CRPPA: variants seen among roughly 807,000 people sequenced by gnomAD.
CRPPA encodes D-ribitol-5-phosphate cytidylyltransferase.
CRPPA carries 43 observed loss-of-function variants against 52.0 expected under a neutral mutation model. That is an observed-to-expected ratio of 0.83 (90% CI 0.65 to 1.07). The LOEUF (loss-of-function observed/expected upper bound fraction) is 1.07. CRPPA is among the 50% of genes least tolerant of loss of function. The probability of loss-of-function intolerance (pLI) is 0.00; values close to 1 mark genes in which losing one functional copy is unlikely to be tolerated. For synonymous variants in CRPPA, 250 were observed against 203.5 expected, an observed-to-expected ratio of 1.23 and a Z score of -1.94; for missense variants, 629 against 551.7, an observed-to-expected ratio of 1.14 and a Z score of -1.40.
intron 2 of CRPPA, among the ~76,000 whole-genome samples, chr7:16,380,364 T>C (rs1420991438): frequency 6.6e-6 from 1 of 152,064 alleles, no homozygotes; most frequent in African/African-American, 2.4e-5. Context: ...TGGATAAGCT[T>C]TTTGATGTGC....
chr7:16,394,827 A>T (rs1241091928), intron 2 of CRPPA, among the ~76,000 whole-genome samples: 1 of 152,202 alleles, frequency 6.6e-6, no homozygotes, highest in South Asian at 2.1e-4. Flanking sequence ...CTAAAGGCCC[A>T]TGAAAAGAGA....
At chr7:16,165,655 T>G (rs1005704291) in intron 9 of CRPPA, among the ~76,000 whole-genome samples, 1 of 152,304 alleles carries the variant, frequency 6.6e-6, no homozygotes, top group East Asian at 1.9e-4. Flanking sequence ...AAAAACAGCC[T>G]TTTCCTTATA....
chr7:16,089,694 T>A lies in CRPPA; in HGVS notation c.*2001A>T. On this transcript the variant is annotated 3_prime_UTR_variant, in exon 10 of 10. Coordinates refer to ENST00000407010, the MANE Select transcript of CRPPA (RefSeq NM_001101426.4). ...TGCTATGAAGGACCAAATGCTATTT[T>A]TTCCAGGCACAACTTAATATTTTAT... 1 of 198,392 alleles carries A rather than the reference T, an allele frequency of 5.0e-6. No individual in the cohort carries two copies. The highest frequency in any genetic ancestry group is 1.1e-4 in the East Asian group (1 of 8,862). 12.3% of individuals were successfully genotyped at this position (198,392 alleles called of 1,614,324 possible).
intron 9 of CRPPA, among the ~76,000 whole-genome samples, chr7:16,139,789 G>C (rs543070830): frequency 6.6e-6 from 1 of 152,210 alleles, no homozygotes; most frequent in African/African-American, 2.4e-5. Flanking sequence ...TCTGCCACAT[G>C]ATTTAAGAAT....
At chr7:16,205,852 T>C (rs1418442243) in intron 9 of CRPPA, among the ~76,000 whole-genome samples, 1 of 151,840 alleles carries the variant, frequency 6.6e-6, no homozygotes, top group Non-Finnish European at 1.5e-5. Context: ...CATCAAAACA[T>C]CTTAAATACG....
At chr7:16,364,975 T>G (rs1786553604) in intron 3 of CRPPA, among the ~76,000 whole-genome samples, 1 of 152,160 alleles carries the variant, frequency 6.6e-6, no homozygotes, top group Non-Finnish European at 1.5e-5. Context: ...TATAGAAAAG[T>G]TATAAAGGTC....
intron 8 of CRPPA, among the ~76,000 whole-genome samples, chr7:16,240,442 A>T (rs1216432642): frequency 6.6e-6 from 1 of 151,982 alleles, no homozygotes; most frequent in African/African-American, 2.4e-5. Context: ...GTATATAATA[A>T]AGCTATAGTT....
rs563210679 is a variant in CRPPA at position 16,356,771 on chromosome 7, A to G, written c.684+19321T>C. On this transcript the variant is annotated intron_variant, in intron 3 of 9. Transcript: ENST00000407010. Reference sequence around the variant, plus strand: ...ATTTTAAACTACTCTGCCATTTCCAACATCTGGGTCCTTTTCTATTGACCT... The same window carrying G: ...ATTTTAAACTACTCTGCCATTTCCAGCATCTGGGTCCTTTTCTATTGACCT... Among the ~76,000 whole-genome samples, 12 of 152,236 alleles carry G rather than the reference A, an allele frequency of 7.9e-5. No homozygotes were observed. In the East Asian group the frequency reaches 1.7e-3, roughly 22 times the overall value.
At chr7:16,221,394 TCATGTCCAAAA>T (rs1782497583) in intron 8 of CRPPA, among the ~76,000 whole-genome samples, 1 of 152,156 alleles carries the variant, frequency 6.6e-6, no homozygotes, top group South Asian at 2.1e-4. Context: ...GGCAAGGACT[TCATGTCCAAAA>T]CACCAACAGC....
intron 3 of CRPPA, among the ~76,000 whole-genome samples, chr7:16,310,538 T>C (rs1247229270): frequency 6.6e-6 from 1 of 152,052 alleles, no homozygotes; most frequent in Non-Finnish European, 1.5e-5. Flanking sequence ...TATTAATAGA[T>C]CTAGGAAGAT....
At chr7:16,389,928 A>AAAAAAAAAAAAAAAAAAAAATATAT in intron 2 of CRPPA, among the ~76,000 whole-genome samples, 3 of 29,760 alleles carry the variant, frequency 1.0e-4, no homozygotes, top group African/African-American at 5.2e-4. Context: ...AAAAAAAAAA[A>AAAAAAAAAAAAAAAAAAAAATATAT]ATATATATAT....
intron 2 of CRPPA, among the ~76,000 whole-genome samples, chr7:16,401,375 G>T (rs1787814128): frequency 6.6e-6 from 1 of 152,158 alleles, no homozygotes; most frequent in Non-Finnish European, 1.5e-5. Context: ...GGAAAGAATG[G>T]TCAGAGGAAA....
At chr7:16,397,280 C>A (rs1005250642) in intron 2 of CRPPA, among the ~76,000 whole-genome samples, 4 of 152,150 alleles carry the variant, frequency 2.6e-5, no homozygotes, top group East Asian at 1.9e-4. Context: ...ATGAGGGTGA[C>A]ACAATTGTGA....
chr7:16,308,430 C>T, intron 4 of CRPPA, 93 bp downstream of exon 4: 1 of 713,172 alleles, frequency 1.4e-6, no homozygotes, highest in Non-Finnish European at 2.5e-6. Context: ...ACTCCCTTAA[C>T]TCCTACTCAA....
intron 3 of CRPPA, among the ~76,000 whole-genome samples, chr7:16,331,365 C>A (rs1041916765): frequency 1.3e-5 from 2 of 152,136 alleles, no homozygotes; most frequent in Non-Finnish European, 2.9e-5. Flanking sequence ...CTATGGAATG[C>A]TTTCCCGCCC....
intron 9 of CRPPA, among the ~76,000 whole-genome samples, chr7:16,106,474 A>T (rs1049552488): frequency 1.3e-5 from 2 of 152,180 alleles, no homozygotes; most frequent in South Asian, 2.1e-4. Context: ...CTAATAGCAG[A>T]TCCCAGCCAC....
intron 5 of CRPPA, among the ~76,000 whole-genome samples, chr7:16,292,159 ACT>A (rs578224833): frequency 6.6e-6 from 1 of 152,026 alleles, no homozygotes; most frequent in South Asian, 2.1e-4. Context: ...AGTTAACAAT[ACT>A]CTCTTAACCG....
At chr7:16,353,862 AT>A (rs1387476516) in intron 3 of CRPPA, among the ~76,000 whole-genome samples, 1 of 147,008 alleles carries the variant, frequency 6.8e-6, no homozygotes, top group Non-Finnish European at 1.5e-5. Flanking sequence ...AAAAAAAAAA[AT>A]AAAAAAGAAT....
At chr7:16,376,511 TA>T (rs1303885278) in intron 2 of CRPPA, among the ~76,000 whole-genome samples, 3 of 150,078 alleles carry the variant, frequency 2.0e-5, no homozygotes, top group Admixed American at 1.3e-4. Context: ...AAGTCAACAC[TA>T]AAAAAAAAGA....
Sources: gnomAD v4.1 joint callset for allele counts (sites outside exome capture counted in the v4.1 genomes callset) on GRCh38, gnomAD v4.1.1 for gene constraint, MANE v1.5 for transcripts, NCBI Gene and HGNC (gene_info 2026-07-23, HGNC 2026-07-21) for gene names.